Variants in ANK3 observed in about 807,000 individuals in gnomAD.
ANK3 encodes the protein ankyrin-3.
ANK3 carries 57 observed loss-of-function variants against 370.9 expected under a neutral mutation model. The observed-to-expected ratio is 0.15, with a 90% CI of 0.12 to 0.19. The LOEUF is 0.19. Ranked by LOEUF, ANK3 falls within the 10% of genes least tolerant of loss-of-function variation. The pLI is 1.00. For missense variants in ANK3, 4,439 were observed against 5,302.1 expected (o/e 0.84, Z 5.06); for synonymous variants, 1,929 against 1,946.3 (o/e 0.99, Z 0.23).
chr10:60,181,261 A>G lies in ANK3; in HGVS notation c.2184+68T>C, dbSNP rs1320134093. The G allele has an allele frequency of 3.1e-6, 4 of 1,275,794 alleles. No homozygotes were observed. In the African/African-American group the frequency reaches 5.9e-5, roughly 19 times the overall value. 79.0% of individuals were successfully genotyped at this position (1,275,794 alleles called of 1,614,324 possible). ...GGGTTTGTTCTCCTGATACAATTAT[A>G]GTTTCTTCCTTACTGCAGTCACCAA... On this transcript the variant is annotated intron_variant, in intron 18 of 43. Transcript: ENST00000280772.
At position 60,327,505 on chromosome 10, in the gene ANK3, C is replaced by T. The variant is rs547893947; in HGVS notation, c.115-47866G>A. 1.8e-4 allele frequency among the ~76,000 whole-genome samples: 28 copies of T among 152,254 alleles called. 1 individual carries two copies. The South Asian group carries it at 4.6e-3, about 25-fold the overall frequency. On this transcript the variant is annotated intron_variant, in intron 1 of 43. Transcript: ENST00000280772. ...TACTAATCTTTTCCTCTCCTTATACCGCAGTAAAACTGTCTTCTAGATCTG... is the reference window on the plus strand; with the variant it reads ...TACTAATCTTTTCCTCTCCTTATACTGCAGTAAAACTGTCTTCTAGATCTG...
At chr10:60,180,275 T>C (rs1046778758) in intron 18 of ANK3, among the ~76,000 whole-genome samples, 2 of 152,176 alleles carry the variant, frequency 1.3e-5, no homozygotes, top group Non-Finnish European at 2.9e-5. Flanking sequence ...GTAGTCATTC[T>C]TTTTCATGTC....
intron 1 of ANK3, among the ~76,000 whole-genome samples, chr10:60,285,571 C>T (rs556977455): frequency 2.6e-5 from 4 of 152,092 alleles, no homozygotes; most frequent in Non-Finnish European, 5.9e-5. Flanking sequence ...TCCTTCTGTG[C>T]CTCACTGCCT....
At chr10:60,458,792 G>T (rs768220308) in intron 2 of ANK3, among the ~76,000 whole-genome samples, 12 of 152,098 alleles carry the variant, frequency 7.9e-5, no homozygotes, top group Non-Finnish European at 1.6e-4. Context: ...TATTTCATTG[G>T]AATTACGCCT....
chr10:60,657,855 C>A (rs571452112), intron 1 of ANK3, among the ~76,000 whole-genome samples: 1 of 149,908 alleles, frequency 6.7e-6, no homozygotes, highest in South Asian at 2.2e-4. Context: ...TCTATTTATT[C>A]CTTTAGTTTT....
intron 1 of ANK3, among the ~76,000 whole-genome samples, chr10:60,652,949 G>A (rs1227243718): frequency 6.6e-6 from 1 of 152,080 alleles, no homozygotes; most frequent in Non-Finnish European, 1.5e-5. Flanking sequence ...ACGATGGTGA[G>A]CCTCTCCTGA....
intron 7 of ANK3, among the ~76,000 whole-genome samples, chr10:60,239,640 A>C (rs947623490): frequency 6.6e-6 from 1 of 152,204 alleles, no homozygotes; most frequent in African/African-American, 2.4e-5. Context: ...TAGTAGGAAT[A>C]TGACAGTAAA....
intron 7 of ANK3, among the ~76,000 whole-genome samples, chr10:60,255,090 G>A (rs1168686534): frequency 5.9e-5 from 9 of 152,122 alleles, no homozygotes; most frequent in Admixed American, 5.9e-4. Flanking sequence ...TCATAGGATT[G>A]TTATGACAAT....
chr10:60,363,039 T>C (rs954932710), intron 1 of ANK3, among the ~76,000 whole-genome samples: 5 of 140,960 alleles, frequency 3.5e-5, no homozygotes, highest in African/African-American at 1.3e-4. Context: ...TGCCAACTAC[T>C]TACTTTTCCA....
intron 18 of ANK3, among the ~76,000 whole-genome samples, chr10:60,174,096 T>C (rs1247680886): frequency 6.6e-6 from 1 of 152,206 alleles, no homozygotes; most frequent in East Asian, 1.9e-4. Context: ...ATCCATATTT[T>C]CAAGGGTCTG....
At chr10:60,091,564 G>A (rs191721711) in intron 28 of ANK3, among the ~76,000 whole-genome samples, 2 of 152,054 alleles carry the variant, frequency 1.3e-5, no homozygotes, top group Non-Finnish European at 2.9e-5. Flanking sequence ...CGTTTGAACA[G>A]GATGATTTGA....
chr10:60,097,697 C>T (rs1025219153), intron 28 of ANK3, among the ~76,000 whole-genome samples: 4 of 152,174 alleles, frequency 2.6e-5, no homozygotes, highest in Admixed American at 6.5e-5. Context: ...TTGCCTCACT[C>T]TTATGGGCAC....
In ANK3 at chr10:60,072,397, C is replaced by T. The variant is rs901374583; in HGVS notation, c.8484G>A (p.Gln2828=). The part of the protein sequence containing the change: ...SKAMPDSFSE[Q]QAKDLACHIT... ...TATGACATGCCAAGTCTTTAGCCTG[C>T]TGCTCAGAAAAAGAGTCAGGCATTG... is the stretch of plus-strand genomic sequence containing the variant. The change falls in exon 37 of 44, where the codon CAG becomes CAA. Residue 2828 remains glutamine, a synonymous_variant. Transcript: ENST00000280772. 5.0e-6 allele frequency: 8 copies of T among 1,613,804 alleles called. No individual in the cohort carries two copies. The African/African-American group carries it at 5.3e-5, about 11-fold the overall frequency.
intron 10 of ANK3, among the ~76,000 whole-genome samples, chr10:60,206,848 C>T (rs1374387222): frequency 3.9e-5 from 6 of 152,154 alleles, no homozygotes; most frequent in East Asian, 1.9e-4. Context: ...TACCAGAGTC[C>T]ACTGTAAAAG....
At chr10:60,123,182 C>T (rs12248766) in intron 25 of ANK3, among the ~76,000 whole-genome samples, 2,001 of 152,162 alleles carry the variant, frequency 0.013, 45 homozygotes, top group African/African-American at 0.046. Context: ...AAAATTCACA[C>T]GGAATTTTTA....
In ANK3 at chr10:60,028,102, C is replaced by A. The variant is rs1266789214; in HGVS notation, c.*1744G>T. 6 of 152,196 alleles carry A rather than the reference C, an allele frequency of 3.9e-5. No homozygotes were observed. The highest frequency in any genetic ancestry group is 1.3e-4 in the Admixed American group (2 of 15,268). 9.4% of individuals were successfully genotyped at this position (152,196 alleles called of 1,614,324 possible). A position where few individuals can be genotyped will look rare whatever the true frequency, so the allele number is the denominator to read the frequency against. ...TGCATGTTGATGGTTCCTAGAAGTG[C>A]CAGTCAACTTTTTGACATGCTGGCT... On this transcript the variant is annotated 3_prime_UTR_variant, in exon 44 of 44. Coordinates refer to ENST00000280772, the MANE Select transcript of ANK3 (RefSeq NM_020987.5).
At chr10:60,705,109 G>A (rs192832059) in intron 1 of ANK3, among the ~76,000 whole-genome samples, 10 of 152,206 alleles carry the variant, frequency 6.6e-5, no homozygotes, top group African/African-American at 2.2e-4. Context: ...TATCTCTAAT[G>A]CTTGATTATT....
intron 2 of ANK3, among the ~76,000 whole-genome samples, chr10:60,422,972 A>G (rs2063808842): frequency 6.6e-6 from 1 of 152,050 alleles, no homozygotes; most frequent in Non-Finnish European, 1.5e-5. Context: ...CATTTGGTGA[A>G]GGACAATTCT....
chr10:60,393,352 A>T, upstream of ANK3, among the ~76,000 whole-genome samples: 1 of 152,154 alleles, frequency 6.6e-6, no homozygotes, highest in African/African-American at 2.4e-5. Context: ...CAAAAAAGTG[A>T]TTCTCCCTGC....
Sources: allele counts gnomAD v4.1 joint callset (sites outside exome capture counted in the v4.1 genomes callset), GRCh38; gene constraint gnomAD v4.1.1; transcripts MANE v1.5; gene names NCBI Gene and HGNC (gene_info 2026-07-23, HGNC 2026-07-21).